The following CAMTA1 variants were observed in gnomAD, a reference collection of about 807,000 sequenced individuals.
The protein encoded by CAMTA1 is calmodulin binding transcription activator 1, also known as calmodulin-binding transcription activator 1.
CAMTA1 carries 27 observed loss-of-function variants against 170.9 expected under a neutral mutation model. That is an observed-to-expected ratio of 0.16 (90% confidence interval 0.12 to 0.22). The LOEUF is 0.22. Ranked by LOEUF, CAMTA1 falls within the 10% of genes least tolerant of loss-of-function variation. The probability of loss-of-function intolerance (pLI) is 1.00; values close to 1 mark genes in which losing one functional copy is unlikely to be tolerated. For synonymous variants in CAMTA1, 833 were observed against 891.5 expected (o/e 0.93, Z 1.17); for missense variants, 1,619 against 2,217.2 (o/e 0.73, Z 5.42).
chr1:6,864,965 T>C (rs1244148393), intron 3 of CAMTA1, among the ~76,000 whole-genome samples: 1 of 152,162 alleles, frequency 6.6e-6, no homozygotes, highest in African/African-American at 2.4e-5. Context: ...GTGAAATTTT[T>C]TAAAAATTAA....
intron 6 of CAMTA1, among the ~76,000 whole-genome samples, chr1:7,525,119 C>T (rs1422111296): frequency 6.6e-6 from 1 of 152,230 alleles, no homozygotes; most frequent in African/African-American, 2.4e-5. Flanking sequence ...ATCCCCTCTC[C>T]AGGGGGCTGG....
In CAMTA1 at chr1:7,482,592, G is replaced by C. The variant is rs2093555848; in HGVS notation, c.510+14691G>C. Among the ~76,000 whole-genome samples the C allele has an allele frequency of 6.6e-6, 1 of 152,190 alleles. No individual in the cohort carries two copies. The highest frequency in any genetic ancestry group is 1.5e-5 in the Non-Finnish European group (1 of 68,034). ...GAACTAAAGCATCAGAGAGCCTTTG[G>C]AATGCCCAGAAAGGGTGACCCTGGT... On this transcript the variant is annotated intron_variant, in intron 6 of 22. Transcript: ENST00000303635. This position sits in a 1 kb window ranked among gnomAD's most constrained non-coding sequence, Gnocchi z 4.2.
chr1:7,122,134 G>A (rs905461494), intron 4 of CAMTA1, among the ~76,000 whole-genome samples: 2 of 151,952 alleles, frequency 1.3e-5, no homozygotes, highest in Admixed American at 6.6e-5. Context: ...TACTGTGCAC[G>A]CTCCTCTCGC....
Position 7,610,142 on chromosome 1 carries a change from C to G in CAMTA1, c.511-30258C>G, listed in dbSNP as rs74055171. ...GGTTGTGCAAAAACACACACACACA[C>G]GTGCTCACATGTGCTCACATGGCAG... On this transcript the variant is annotated intron_variant, in intron 6 of 22. Transcript: ENST00000303635. 2.7e-3 allele frequency among the ~76,000 whole-genome samples: 407 copies of G among 152,342 alleles called. 2 individuals are homozygous for G. Among genetic ancestry groups the G allele is most frequent in the Non-Finnish European group, 4.8e-3 (328 of 68,044 alleles).
intron 4 of CAMTA1, among the ~76,000 whole-genome samples, chr1:7,172,934 C>A (rs1649964494): frequency 6.6e-6 from 1 of 152,218 alleles, no homozygotes; most frequent in African/African-American, 2.4e-5. Context: ...TGATGTTCTG[C>A]ACCAGCAATT....
intron 4 of CAMTA1, among the ~76,000 whole-genome samples, chr1:7,244,026 A>T (rs944847180): frequency 6.6e-6 from 1 of 152,188 alleles, no homozygotes; most frequent in African/African-American, 2.4e-5. Context: ...TCTACAATGA[A>T]CTCAAACAAA....
intron 3 of CAMTA1, chr1:6,888,020 G>A (rs1032841503): frequency 2.6e-6 from 3 of 1,133,838 alleles, no homozygotes; most frequent in African/African-American, 1.6e-5. Context: ...TGTCCCCTCA[G>A]CAAGCTGCCT....
rs374088514 is a variant in CAMTA1, at chr1:6,825,110, A to G, written c.134A>G (p.Asn45Ser). Residue 45 changes from asparagine (N) to serine (S), a missense_variant, in exon 3 of 23, where the codon AAT becomes AGT. Coordinates refer to ENST00000303635, the MANE Select transcript of CAMTA1 (RefSeq NM_015215.4). ...PPIEDDHGNSNSSHVKIFLPK... is the reference protein window; with the variant it reads ...PPIEDDHGNSSSSHVKIFLPK... Reference sequence around the variant, plus strand: ...TTTGTAGATGATCATGGGAACAGCAATAGTAGTCATGTAAAAATCTTTTTA... The same window carrying G: ...TTTGTAGATGATCATGGGAACAGCAGTAGTAGTCATGTAAAAATCTTTTTA... 4 of 1,592,804 alleles carry G rather than the reference A, an allele frequency of 2.5e-6. No individual in the cohort carries two copies. Among genetic ancestry groups the G allele is most frequent in the African/African-American group, 1.3e-5 (1 of 74,168 alleles).
At chr1:7,243,937 A>G (rs1466432656) in intron 4 of CAMTA1, among the ~76,000 whole-genome samples, 1 of 152,232 alleles carries the variant, frequency 6.6e-6, no homozygotes, top group Admixed American at 6.5e-5. Flanking sequence ...AGAAACCACC[A>G]TCAGAGTGAA....
intron 5 of CAMTA1, chr1:7,370,198 A>G (rs954670924): frequency 6.6e-6 from 1 of 152,350 alleles, no homozygotes; most frequent in Non-Finnish European, 1.5e-5. Flanking sequence ...ACCTCTTGCT[A>G]CAGCAGCAAC....
intron 4 of CAMTA1, among the ~76,000 whole-genome samples, chr1:7,242,922 A>G (rs1665140906): frequency 6.6e-6 from 1 of 152,136 alleles, no homozygotes; most frequent in Non-Finnish European, 1.5e-5. Flanking sequence ...AGATCGCACC[A>G]TTGCACTCCA....
chr1:7,500,146 GTGTGTGCA>G (rs1295075888), intron 6 of CAMTA1, among the ~76,000 whole-genome samples: 14 of 147,144 alleles, frequency 9.5e-5, no homozygotes, highest in Non-Finnish European at 1.6e-4. Flanking sequence ...ATATGGGTGT[GTGTGTGCA>G]TGTGTGTACA....
intron 4 of CAMTA1, among the ~76,000 whole-genome samples, chr1:7,219,835 A>G (rs1339706706): frequency 6.6e-6 from 1 of 152,142 alleles, no homozygotes; most frequent in Non-Finnish European, 1.5e-5. Flanking sequence ...CAGGAGTTTG[A>G]GACCAGCCTG....
intron 7 of CAMTA1, among the ~76,000 whole-genome samples, chr1:7,648,321 G>A (rs1044622402): frequency 6.6e-6 from 1 of 151,962 alleles, no homozygotes; most frequent in Admixed American, 6.6e-5. Flanking sequence ...GAACCCAGTA[G>A]GTGGAGGTTG....
At chr1:7,372,162 C>T (rs1424633162) in intron 5 of CAMTA1, among the ~76,000 whole-genome samples, 2 of 152,190 alleles carry the variant, frequency 1.3e-5, no homozygotes, top group East Asian at 3.9e-4. Flanking sequence ...CTTAGCCGTC[C>T]TCCTATCCTA....
chr1:7,635,608 CAAAAA>C lies in CAMTA1; in HGVS notation c.511-4777_511-4773del, dbSNP rs767824479. 2.2e-5 allele frequency among the ~76,000 whole-genome samples: 2 copies of C among 90,218 alleles called. No homozygotes were observed. Among genetic ancestry groups the C allele is most frequent in the Non-Finnish European group, 2.5e-5 (1 of 39,866 alleles). The allele number at this position is 90,218 out of a possible 152,430, so 59.2% of individuals were successfully genotyped here. On this transcript the variant is annotated intron_variant, in intron 6 of 22. Coordinates refer to ENST00000303635, the MANE Select transcript of CAMTA1 (RefSeq NM_015215.4). This position sits in a 1 kb window ranked among gnomAD's most constrained non-coding sequence, Gnocchi z 4.4. ...TGGGGGACAGAGCAAGACTCCGTCT[CAAAAA>C]AAAAAAAAAAAAAATACAGGGCCCT... is the stretch of plus-strand genomic sequence containing the variant.
chr1:7,107,168 C>T (rs899510893), intron 4 of CAMTA1, among the ~76,000 whole-genome samples: 17 of 151,994 alleles, frequency 1.1e-4, no homozygotes, highest in African/African-American at 4.1e-4. Flanking sequence ...AAACATGGCC[C>T]CTGATCTAAT....
intron 4 of CAMTA1, among the ~76,000 whole-genome samples, chr1:7,153,567 C>T (rs569482974): frequency 2.0e-5 from 3 of 151,990 alleles, no homozygotes; most frequent in Non-Finnish European, 4.4e-5. Context: ...CACAAACCGA[C>T]GGGGACAAGC....
intron 6 of CAMTA1, among the ~76,000 whole-genome samples, chr1:7,539,861 G>A (rs1260906723): frequency 6.6e-6 from 1 of 152,210 alleles, no homozygotes; most frequent in Non-Finnish European, 1.5e-5. Flanking sequence ...AGAACTAGCG[G>A]GCCAGGTAGA....
Sources: allele counts gnomAD v4.1 joint callset (sites outside exome capture counted in the v4.1 genomes callset), GRCh38; gene constraint gnomAD v4.1.1; non-coding constraint Gnocchi (gnomAD v3.1); transcripts MANE v1.5; gene names NCBI Gene and HGNC (gene_info 2026-07-23, HGNC 2026-07-21).